Variants in RAB11FIP4 observed in about 807,000 individuals in gnomAD.
The protein encoded by RAB11FIP4 is RAB11 family interacting protein 4.
A neutral mutation model predicts 74.3 loss-of-function variants in RAB11FIP4; 23 were observed. The ratio of observed to expected loss-of-function variants is 0.31; its 90% CI spans 0.22 to 0.44. The LOEUF is 0.44. Ranked by LOEUF, RAB11FIP4 falls within the 20% of genes least tolerant of loss-of-function variation. RAB11FIP4 has a pLI of 1.00. For synonymous variants in RAB11FIP4, 360 were observed against 359.9 expected, an observed-to-expected ratio of 1.00 and a Z score of 0.00; for missense variants, 630 against 863.9, an observed-to-expected ratio of 0.73 and a Z score of 3.39.
chr17:31,439,318 T>C (rs1446951121), intron 3 of RAB11FIP4, among the ~76,000 whole-genome samples: 1 of 152,244 alleles, frequency 6.6e-6, no homozygotes, highest in Non-Finnish European at 1.5e-5. Flanking sequence ...CTGTACCATT[T>C]GTATCACCCA....
At chr17:31,419,445 TC>T (rs2071178051) in intron 1 of RAB11FIP4, among the ~76,000 whole-genome samples, 1 of 152,042 alleles carries the variant, frequency 6.6e-6, no homozygotes, top group Non-Finnish European at 1.5e-5. Flanking sequence ...CGGCTGCTTG[TC>T]TTGTTATATT....
rs1193272425 is a variant in RAB11FIP4 at position 31,391,815 on chromosome 17, C to T, written c.-38C>T. The T allele has an allele frequency of 3.1e-6, 3 of 983,214 alleles. No individual in the cohort carries two copies. Among genetic ancestry groups the T allele is most frequent in the South Asian group, 4.5e-5 (1 of 22,118 alleles). 60.9% of individuals were successfully genotyped at this position (983,214 alleles called of 1,614,324 possible). A position where few individuals can be genotyped will look rare whatever the true frequency, so the allele number is the denominator to read the frequency against. On this transcript the variant is annotated 5_prime_UTR_variant, in exon 1 of 15. Transcript: ENST00000621161. ...GGCGGCGGGCAGGCGGCGGGCGCGG[C>T]GGGCGAGGGGTCCGGGCTGAGCTGC...
At chr17:31,498,369 A>G (rs1009684836) in intron 3 of RAB11FIP4, among the ~76,000 whole-genome samples, 7 of 152,208 alleles carry the variant, frequency 4.6e-5, no homozygotes, top group Non-Finnish European at 1.0e-4. Flanking sequence ...CCACAGGACA[A>G]AGAGAGACAC....
At chr17:31,403,350 T>G (rs889934867) in intron 1 of RAB11FIP4, among the ~76,000 whole-genome samples, 1 of 150,226 alleles carries the variant, frequency 6.7e-6, no homozygotes, top group African/African-American at 2.5e-5. Flanking sequence ...TGAGATGGAG[T>G]CTCGCTCTGT....
intron 1 of RAB11FIP4, among the ~76,000 whole-genome samples, chr17:31,409,035 C>T (rs942976727): frequency 6.6e-6 from 1 of 152,170 alleles, no homozygotes; most frequent in South Asian, 2.1e-4. Flanking sequence ...CACAGACGGC[C>T]GCAGAGTTGA....
intron 3 of RAB11FIP4, among the ~76,000 whole-genome samples, chr17:31,451,256 C>T (rs1438048771): frequency 1.3e-5 from 2 of 151,906 alleles, no homozygotes; most frequent in African/African-American, 2.4e-5. Context: ...GTCAGGAGTT[C>T]GAGACCAGCT....
At chr17:31,469,117 T>C (rs1340195529) in intron 3 of RAB11FIP4, among the ~76,000 whole-genome samples, 1 of 152,214 alleles carries the variant, frequency 6.6e-6, no homozygotes, top group Non-Finnish European at 1.5e-5. Flanking sequence ...CATTTGCAGA[T>C]TGCCCAAGTA....
intron 3 of RAB11FIP4, among the ~76,000 whole-genome samples, chr17:31,511,905 G>C (rs1042624557): frequency 1.3e-5 from 2 of 152,174 alleles, no homozygotes; most frequent in African/African-American, 4.8e-5. Flanking sequence ...ACTGGAGAGG[G>C]CCCCACGGCA....
intron 3 of RAB11FIP4, among the ~76,000 whole-genome samples, chr17:31,505,622 T>C (rs1170331264): frequency 4.0e-4 from 36 of 88,940 alleles, no homozygotes; most frequent in African/African-American, 1.7e-3. Context: ...ATATATAATA[T>C]ATAATTATAT....
chr17:31,473,557 A>G (rs2071761109), intron 3 of RAB11FIP4, among the ~76,000 whole-genome samples: 1 of 152,182 alleles, frequency 6.6e-6, no homozygotes. Flanking sequence ...GAGCCCCTGC[A>G]GCACCTGGAG....
intron 1 of RAB11FIP4, among the ~76,000 whole-genome samples, chr17:31,409,287 C>T (rs1025774237): frequency 9.9e-5 from 15 of 152,168 alleles, no homozygotes; most frequent in African/African-American, 2.7e-4. Flanking sequence ...ACCCCCTCTC[C>T]GCTCCGTTCT....
intron 3 of RAB11FIP4, among the ~76,000 whole-genome samples, chr17:31,495,952 T>C (rs1214031230): frequency 6.6e-6 from 1 of 152,226 alleles, no homozygotes; most frequent in African/African-American, 2.4e-5. Context: ...CTTTTTTTCC[T>C]TTCCTTTTTT....
intron 3 of RAB11FIP4, among the ~76,000 whole-genome samples, chr17:31,473,160 G>A (rs1262622135): frequency 6.6e-6 from 1 of 152,146 alleles, no homozygotes; most frequent in African/African-American, 2.4e-5. Flanking sequence ...CCCGGGCAGA[G>A]GTTCTGAGAG....
intron 3 of RAB11FIP4, among the ~76,000 whole-genome samples, chr17:31,492,896 A>C (rs2072038195): frequency 6.6e-6 from 1 of 151,986 alleles, no homozygotes; most frequent in South Asian, 2.1e-4. Flanking sequence ...AACCCCCCTG[A>C]GCACCCAGAC....
At chr17:31,485,817 T>C (rs1166211682) in intron 3 of RAB11FIP4, among the ~76,000 whole-genome samples, 4 of 152,166 alleles carry the variant, frequency 2.6e-5, no homozygotes, top group Non-Finnish European at 5.9e-5. Flanking sequence ...CATTGAGTCT[T>C]AGAGAAGTAA....
intron 3 of RAB11FIP4, among the ~76,000 whole-genome samples, chr17:31,444,081 A>T (rs1320094255): frequency 6.6e-6 from 1 of 152,220 alleles, no homozygotes; most frequent in Non-Finnish European, 1.5e-5. Flanking sequence ...CTTGCTGGGG[A>T]GGAGGCCTAC....
intron 1 of RAB11FIP4, among the ~76,000 whole-genome samples, chr17:31,425,248 G>A (rs2071236532): frequency 6.6e-6 from 1 of 152,218 alleles, no homozygotes; most frequent in African/African-American, 2.4e-5. Context: ...GCTCAGAACA[G>A]TGCCTGGCAC....
At chr17:31,400,868 C>T (rs1479189833) in intron 1 of RAB11FIP4, among the ~76,000 whole-genome samples, 1 of 152,310 alleles carries the variant, frequency 6.6e-6, no homozygotes, top group South Asian at 2.1e-4. Flanking sequence ...CTGGCACATC[C>T]TGGGCTCTTT....
intron 1 of RAB11FIP4, among the ~76,000 whole-genome samples, chr17:31,418,509 G>C (rs1306309420): frequency 7.7e-6 from 1 of 130,650 alleles, no homozygotes. Context: ...TGTCACTCAG[G>C]CTGGAGTGCA....
Sources: allele counts gnomAD v4.1 joint callset (sites outside exome capture counted in the v4.1 genomes callset), GRCh38; gene constraint gnomAD v4.1.1; transcripts MANE v1.5; gene names NCBI Gene and HGNC (gene_info 2026-07-23, HGNC 2026-07-21).